Variants in GRAMD4 observed in about 807,000 individuals in gnomAD.
The protein encoded by GRAMD4 is GRAM domain-containing protein 4.
In GRAMD4, 25 loss-of-function variants were observed where a neutral mutation model predicts 83.9. The ratio of observed to expected loss-of-function variants is 0.30; its 90% CI spans 0.22 to 0.42. The LOEUF is 0.42. Ranked by LOEUF, GRAMD4 falls within the 10% of genes least tolerant of loss-of-function variation. The probability of loss-of-function intolerance (pLI) is 1.00; values close to 1 mark genes in which losing one functional copy is unlikely to be tolerated. For synonymous variants in GRAMD4, 336 were observed against 320.9 expected (o/e 1.05, Z -0.50); for missense variants, 593 against 788.7 (o/e 0.75, Z 2.97).
chr22:46,667,941 C>T (rs913416896), intron 10 of GRAMD4, among the ~76,000 whole-genome samples, 155 bp from the exon 11 acceptor site: 2 of 152,228 alleles, frequency 1.3e-5, no homozygotes, highest in African/African-American at 2.4e-5. Flanking sequence ...TAGGGGTGTC[C>T]TCCTGGTGCC....
chr22:46,650,482 T>C (rs1387591333), intron 3 of GRAMD4, among the ~76,000 whole-genome samples: 1 of 152,008 alleles, frequency 6.6e-6, no homozygotes, highest in Non-Finnish European at 1.5e-5. Flanking sequence ...AGTCTGGGCC[T>C]GTGTAGGCCT....
chr22:46,583,962 G>A (rs2081122657), intron 1 of GRAMD4, among the ~76,000 whole-genome samples: 1 of 152,204 alleles, frequency 6.6e-6, no homozygotes, highest in African/African-American at 2.4e-5. Context: ...AGGGGGGTCT[G>A]TCTCTTCTCC....
chr22:46,682,444 G>A (rs1421122988), downstream of GRAMD4: 1 of 985,122 alleles, frequency 1.0e-6, no homozygotes, highest in Non-Finnish European at 1.2e-6. Flanking sequence ...GGAAGCTGCT[G>A]GTACAAAATG....
chr22:46,588,680 C>T (rs1044859629), intron 1 of GRAMD4, among the ~76,000 whole-genome samples: 8 of 152,096 alleles, frequency 5.3e-5, no homozygotes, highest in Admixed American at 3.9e-4. Flanking sequence ...CCCTTTCGTC[C>T]GTCCTCCTTC....
At chr22:46,664,505 G>A (rs1054368078) in intron 8 of GRAMD4, among the ~76,000 whole-genome samples, 1 of 152,174 alleles carries the variant, frequency 6.6e-6, no homozygotes, top group Non-Finnish European at 1.5e-5. Context: ...ATGGCAGCAC[G>A]AGGGGCCCAG....
intron 3 of GRAMD4, among the ~76,000 whole-genome samples, chr22:46,640,838 C>T (rs925105139): frequency 6.6e-6 from 1 of 151,378 alleles, no homozygotes; most frequent in South Asian, 2.1e-4. Context: ...CGCCCCCCGC[C>T]GAGGTTTTGG....
chr22:46,658,120 C>G (rs1010300432), intron 3 of GRAMD4, 67 bp from the exon 4 acceptor site: 1 of 1,603,298 alleles, frequency 6.2e-7, no homozygotes, highest in Non-Finnish European at 8.5e-7. Flanking sequence ...CACCCCTGCC[C>G]CAGCATCCCA....
upstream of GRAMD4, among the ~76,000 whole-genome samples, chr22:46,617,901 G>C (rs902990892): frequency 6.6e-6 from 1 of 152,238 alleles, no homozygotes; most frequent in African/African-American, 2.4e-5. Flanking sequence ...TTTCTTCCTG[G>C]AGAAACATCC....
In GRAMD4 at chr22:46,626,902, G is replaced by A. The variant is rs2081669316; in HGVS notation, c.103G>A (p.Glu35Lys). Reference sequence around the variant, plus strand: ...TGCCTCGGACACCGAATGCAGCGACGAAATCCCCCTGAAGGTACCGCGGAC... The same window carrying A: ...TGCCTCGGACACCGAATGCAGCGACAAAATCCCCCTGAAGGTACCGCGGAC... ...PNASDTECSD[E>K]IPLKVPRTSP... is the part of the protein sequence containing the mutation. Residue 35 changes from glutamate (E) to lysine (K), a missense_variant, in exon 2 of 19, where the codon GAA becomes AAA. This residue lies in a region of GRAMD4 where 312 missense variants were observed against 350.7 expected (regional missense o/e 0.89). Coordinates refer to ENST00000406902, the MANE Select transcript of GRAMD4 (RefSeq NM_015124.5). The A allele has an allele frequency of 6.8e-6, 11 of 1,614,166 alleles. No homozygotes were observed. Among genetic ancestry groups the A allele is most frequent in the South Asian group, 1.1e-5 (1 of 91,086 alleles).
Position 46,677,412 on chromosome 22 carries a change from G to C in GRAMD4, c.*161G>C. On this transcript the variant is annotated 3_prime_UTR_variant, in exon 19 of 19. Coordinates refer to ENST00000406902, the MANE Select transcript of GRAMD4 (RefSeq NM_015124.5). ...ATTGTGTTGACCTCTGCGTTTTATC[G>C]ACCAAGAAGGGGCCAGGGCTCACAG... The C allele has an allele frequency of 7.3e-7, 1 of 1,373,064 alleles. No individual in the cohort carries two copies. Among genetic ancestry groups the C allele is most frequent in the Admixed American group, 3.0e-5 (1 of 33,450 alleles). 85.1% of individuals were successfully genotyped at this position (1,373,064 alleles called of 1,614,324 possible). A position where few individuals can be genotyped will look rare whatever the true frequency, so the allele number is the denominator to read the frequency against.
rs567227136 is a variant in GRAMD4, at chr22:46,593,369, G to A, written c.-50+16079G>A. ...GACATCCCCATTTCTGCAGCTGGAC[G>A]GTGAAAGGGACGTTGTTGTTCTTGG... On this transcript the variant is annotated intron_variant, in intron 1 of 1. Coordinates refer to the GRAMD4 transcript ENST00000431155. Among the ~76,000 whole-genome samples, 19 of 152,130 alleles carry A rather than the reference G, an allele frequency of 1.2e-4. No homozygotes were observed. The East Asian group carries it at 3.3e-3, about 27-fold the overall frequency.
intron 13 of GRAMD4, among the ~76,000 whole-genome samples, chr22:46,671,436 T>G (rs1029494323): frequency 6.6e-6 from 1 of 152,032 alleles, no homozygotes; most frequent in Non-Finnish European, 1.5e-5. Context: ...ATCGCGCCAC[T>G]GCACTCCAGC....
intron 1 of GRAMD4, among the ~76,000 whole-genome samples, chr22:46,598,289 G>GT (rs1190122969): frequency 6.6e-6 from 1 of 151,938 alleles, no homozygotes; most frequent in African/African-American, 2.4e-5. Flanking sequence ...GCTGGGTGGC[G>GT]TTTTTTTGGT....
rs370356747 is a variant in GRAMD4, at chr22:46,677,835, C to T, written c.*584C>T. ...CCCTTGGTGCCGGGCTGGGGCCGGG[C>T]GCAGTGACCCTGCCTGCGCTCCACA... On this transcript the variant is annotated 3_prime_UTR_variant, in exon 19 of 19. Coordinates refer to ENST00000406902, the MANE Select transcript of GRAMD4 (RefSeq NM_015124.5). 18 of 985,484 alleles carry T rather than the reference C, an allele frequency of 1.8e-5. No homozygotes were observed. The highest frequency in any genetic ancestry group is 3.5e-5 in the African/African-American group (2 of 57,212). The allele number at this position is 985,484 out of a possible 1,614,324, so 61.0% of individuals were successfully genotyped here. A position where few individuals can be genotyped will look rare whatever the true frequency, so the allele number is the denominator to read the frequency against.
At chr22:46,657,534 G>A (rs910696443) in intron 3 of GRAMD4, among the ~76,000 whole-genome samples, 4 of 152,136 alleles carry the variant, frequency 2.6e-5, no homozygotes, top group African/African-American at 7.2e-5. Context: ...CAGTCTCTCC[G>A]ACCTCTGACC....
In GRAMD4 at chr22:46,677,418, G is replaced by C; in HGVS notation, c.*167G>C. The C allele has an allele frequency of 7.3e-7, 1 of 1,374,312 alleles. No individual in the cohort carries two copies. The highest frequency in any genetic ancestry group is 9.4e-7 in the Non-Finnish European group (1 of 1,064,154). 85.1% of individuals were successfully genotyped at this position (1,374,312 alleles called of 1,614,324 possible). On this transcript the variant is annotated 3_prime_UTR_variant, in exon 19 of 19. Transcript: ENST00000406902. Reference sequence around the variant, plus strand: ...TTGACCTCTGCGTTTTATCGACCAAGAAGGGGCCAGGGCTCACAGGGACGG... The same window carrying C: ...TTGACCTCTGCGTTTTATCGACCAACAAGGGGCCAGGGCTCACAGGGACGG...
chr22:46,653,162 C>T (rs934755205), intron 3 of GRAMD4, among the ~76,000 whole-genome samples: 4 of 152,232 alleles, frequency 2.6e-5, no homozygotes, highest in Admixed American at 1.3e-4. Context: ...ATGGCTCTTC[C>T]GGAAGCTGGG....
chr22:46,579,116 A>G (rs2081073270), intron 1 of GRAMD4, among the ~76,000 whole-genome samples: 1 of 152,220 alleles, frequency 6.6e-6, no homozygotes, highest in Admixed American at 6.5e-5. Context: ...AGCACGGGAA[A>G]GTCTCCAAGT....
At chr22:46,662,785 C>T (rs2082348224) in intron 5 of GRAMD4, among the ~76,000 whole-genome samples, 1 of 152,178 alleles carries the variant, frequency 6.6e-6, no homozygotes, top group East Asian at 1.9e-4. Context: ...AGAGACCCGG[C>T]ACTGAGGTCG....
Sources: allele counts gnomAD v4.1 joint callset (sites outside exome capture counted in the v4.1 genomes callset), GRCh38; gene constraint gnomAD v4.1.1; regional missense constraint gnomAD v4.1.1; transcripts MANE v1.5; gene names NCBI Gene and HGNC (gene_info 2026-07-23, HGNC 2026-07-21).